Variants in KANSL1L observed in about 807,000 individuals in gnomAD.
KANSL1L encodes the protein KAT8 regulatory NSL complex subunit 1-like protein.
KANSL1L carries 25 observed loss-of-function variants against 108.6 expected under a neutral mutation model. The observed-to-expected ratio is 0.23, with a 90% CI of 0.17 to 0.32. The LOEUF is 0.32. Among genes scored for constraint, KANSL1L ranks in the 10% least tolerant of loss-of-function variants. The pLI, the probability that KANSL1L is intolerant of heterozygous loss-of-function variation, is 1.00. For missense variants in KANSL1L, 1,137 were observed against 1,125.7 expected, an observed-to-expected ratio of 1.01 and a Z score of -0.14; for synonymous variants, 405 against 395.1, an observed-to-expected ratio of 1.03 and a Z score of -0.30.
At chr2:210,027,225 C>T (rs1559495563) in intron 12 of KANSL1L, 71 bp downstream of exon 12, 2 of 1,014,694 alleles carry the variant, frequency 2.0e-6, no homozygotes, top group Non-Finnish European at 3.1e-6. Context: ...CTTTAGTTCC[C>T]TGAATGTCAA....
intron 2 of KANSL1L, among the ~76,000 whole-genome samples, chr2:210,129,786 A>C (rs1254194056): frequency 6.6e-6 from 1 of 152,144 alleles, no homozygotes; most frequent in African/African-American, 2.4e-5. Context: ...TGTTCCTTAA[A>C]AACCTGATTC....
chr2:210,054,507 A>T (rs2094328480), intron 6 of KANSL1L, among the ~76,000 whole-genome samples: 1 of 152,156 alleles, frequency 6.6e-6, no homozygotes. Context: ...GGCAAAAAAA[A>T]TTAAAATTTA....
intron 1 of KANSL1L, among the ~76,000 whole-genome samples, chr2:210,167,318 G>C (rs1688043329): frequency 1.3e-5 from 2 of 151,972 alleles, no homozygotes; most frequent in Admixed American, 1.3e-4. Flanking sequence ...TTATAAGCAA[G>C]AACTTCTTCC....
Position 210,025,199 on chromosome 2 carries a change from A to T in KANSL1L, c.2469T>A (p.Asp823Glu). The T allele has an allele frequency of 6.4e-7, 1 of 1,573,260 alleles. No individual in the cohort carries two copies. Among genetic ancestry groups the T allele is most frequent in the Non-Finnish European group, 8.8e-7 (1 of 1,142,714 alleles). Residue 823 changes from aspartate (D) to glutamate (E), a missense_variant, in exon 13 of 15, where the codon GAT (aspartate) becomes GAA (glutamate). This residue lies in a region of KANSL1L where 575 missense variants were observed against 567.1 expected (regional missense o/e 1.01). Transcript: ENST00000281772. ...LGKEEIEDLS[D>E]EVFSLRHKKY... ...TTTTGTGCCTTAGGGAGAAGACTTC[A>T]TCAGAAAGATCTTCTATCTGGAATT...
rs1440893820 is a variant in KANSL1L, at chr2:210,129,152, T to C, written c.1109A>G (p.Lys370Arg). 3 of 1,613,788 alleles carry C rather than the reference T, an allele frequency of 1.9e-6. No homozygotes were observed. The highest frequency in any genetic ancestry group is 2.5e-6 in the Non-Finnish European group (3 of 1,179,792). The change falls in exon 3 of 15, where the codon AAG becomes AGG. Residue 370 changes from lysine to arginine, a missense_variant. Physicochemically the swap from Lys to Arg is conservative, Grantham distance 26 (BLOSUM62 2). This residue lies in a region of KANSL1L where 556 missense variants were observed against 537.7 expected (regional missense o/e 1.03). Transcript: ENST00000281772. ...NVAVNCSTEW[K>R]WLVDRARVGS... is the part of the protein sequence containing the mutation. The stretch of plus-strand genomic sequence containing the variant: ...AACTCGTGCTCTGTCTACAAGCCAC[T>C]TCCATTCAGTACTACAGTTACTGTG...
At chr2:210,118,166 CAA>C (rs34675432) in intron 3 of KANSL1L, among the ~76,000 whole-genome samples, 11 of 98,930 alleles carry the variant, frequency 1.1e-4, no homozygotes, top group Non-Finnish European at 1.2e-4. Context: ...AACTCCATCT[CAA>C]AAAAAAAAAA....
intron 6 of KANSL1L, among the ~76,000 whole-genome samples, chr2:210,061,350 T>C (rs946095187): frequency 6.6e-6 from 1 of 152,122 alleles, no homozygotes; most frequent in African/African-American, 2.4e-5. Context: ...TTGCCAGGAG[T>C]TAATCAGGGT....
chr2:210,032,548 T>A (rs2094033335), intron 8 of KANSL1L: 2 of 152,242 alleles, frequency 1.3e-5, no homozygotes, highest in African/African-American at 4.8e-5. Context: ...ATCTGGATAT[T>A]GACTGCACAT....
At chr2:210,036,164 C>A (rs2094100530) in intron 8 of KANSL1L, among the ~76,000 whole-genome samples, 1 of 152,002 alleles carries the variant, frequency 6.6e-6, no homozygotes, top group Non-Finnish European at 1.5e-5. Context: ...TAGTTACATA[C>A]TCCTTATTTA....
intron 6 of KANSL1L, among the ~76,000 whole-genome samples, chr2:210,070,952 G>GT (rs2094503533): frequency 6.6e-6 from 1 of 152,098 alleles, no homozygotes; most frequent in Non-Finnish European, 1.5e-5. Context: ...GAGGTCAGAA[G>GT]TTTGAGACCA....
At position 210,121,124 on chromosome 2, in the gene KANSL1L, A is replaced by G. The variant is rs2095015283; in HGVS notation, c.1230+7907T>C. 1.3e-5 allele frequency among the ~76,000 whole-genome samples: 2 copies of G among 152,262 alleles called. 1 individual carries two copies. The highest frequency in any genetic ancestry group is 4.1e-4 in the South Asian group (2 of 4,822). On this transcript the variant is annotated intron_variant, in intron 3 of 14. Transcript: ENST00000281772. The stretch of plus-strand genomic sequence containing the variant: ...GACCTAAAGACAGATATACCATTTG[A>G]CCCAGCAATCCCATTACTGAGTATA...
At chr2:210,109,578 C>T (rs2094884819) in intron 3 of KANSL1L, among the ~76,000 whole-genome samples, 1 of 152,068 alleles carries the variant, frequency 6.6e-6, no homozygotes, top group South Asian at 2.1e-4. Context: ...TGAACATTCC[C>T]ACTTGGAAAT....
chr2:210,097,205 AT>A (rs1363586999), intron 5 of KANSL1L: 2 of 950,302 alleles, frequency 2.1e-6, no homozygotes, highest in African/African-American at 3.5e-5. Context: ...TCAGCTTTTT[AT>A]TTTAAGACTT....
At chr2:210,040,026 CCT>C (rs777727783) in intron 8 of KANSL1L, among the ~76,000 whole-genome samples, 8 of 151,500 alleles carry the variant, frequency 5.3e-5, no homozygotes, top group African/African-American at 9.7e-5. Flanking sequence ...TATATTTTCC[CCT>C]GTTTAGTCTT....
intron 8 of KANSL1L, 141 bp downstream of exon 8, chr2:210,040,279 T>A (rs1215559829): frequency 3.2e-6 from 2 of 629,522 alleles, no homozygotes. Flanking sequence ...TATGTGTACA[T>A]GAGTTGTAAA....
chr2:210,101,085 T>G (rs1334651447), intron 4 of KANSL1L, among the ~76,000 whole-genome samples: 1 of 152,214 alleles, frequency 6.6e-6, no homozygotes, highest in Admixed American at 6.5e-5. Context: ...ATCTTTTACT[T>G]CTGCTCTCTT....
intron 5 of KANSL1L, among the ~76,000 whole-genome samples, chr2:210,089,600 T>C (rs909495961): frequency 1.1e-4 from 16 of 152,112 alleles, no homozygotes; most frequent in Admixed American, 8.5e-4. Flanking sequence ...AAACAAAATA[T>C]ATAAAAGTTG....
chr2:210,152,744 AAGT>A (rs2095311499), intron 2 of KANSL1L: 1 of 152,322 alleles, frequency 6.6e-6, no homozygotes, highest in South Asian at 2.1e-4. Flanking sequence ...TAAGGAAAAA[AAGT>A]AGTAAGTCAA....
intron 1 of KANSL1L, among the ~76,000 whole-genome samples, chr2:210,156,057 T>TA (rs1575635072): frequency 6.6e-6 from 1 of 152,130 alleles, no homozygotes; most frequent in East Asian, 1.9e-4. Flanking sequence ...TTGCAACATA[T>TA]ATATCAGACA....
Sources: gnomAD v4.1 joint callset for allele counts (sites outside exome capture counted in the v4.1 genomes callset) on GRCh38, gnomAD v4.1.1 for gene constraint, gnomAD v4.1.1 regional missense constraint, MANE v1.5 for transcripts, NCBI Gene and HGNC (gene_info 2026-07-23, HGNC 2026-07-21) for gene names.